EPM2A: variants seen among roughly 807,000 people sequenced by gnomAD.
The protein encoded by EPM2A is EPM2A glucan phosphatase, laforin, also known as laforin.
In EPM2A, 21 loss-of-function variants were observed where a neutral mutation model predicts 26.5. That is an observed-to-expected ratio of 0.79 (90% confidence interval 0.56 to 1.14). The LOEUF (loss-of-function observed/expected upper bound fraction) is 1.14. Ranked by LOEUF, EPM2A falls within the 50% of genes most tolerant of loss-of-function variation. EPM2A has a pLI of 0.00. For synonymous variants in EPM2A, 217 were observed against 177.6 expected (o/e 1.22, Z -1.76); for missense variants, 458 against 440.8 (o/e 1.04, Z -0.35).
chr6:145,522,522 G>C (rs575721837), intron 2 of EPM2A, among the ~76,000 whole-genome samples: 3 of 152,060 alleles, frequency 2.0e-5, no homozygotes, highest in Non-Finnish European at 2.9e-5. Context: ...AGTCTCCATT[G>C]ATTTAATCTC....
chr6:145,537,227 G>A (rs1157586059), intron 2 of EPM2A, among the ~76,000 whole-genome samples: 1 of 152,140 alleles, frequency 6.6e-6, no homozygotes, highest in Non-Finnish European at 1.5e-5. Context: ...ATAAGGAGTT[G>A]GTTTCCTGGA....
intron 4 of EPM2A, among the ~76,000 whole-genome samples, chr6:145,462,714 A>T (rs1238433703): frequency 6.6e-6 from 1 of 152,152 alleles, no homozygotes; most frequent in Non-Finnish European, 1.5e-5. Flanking sequence ...TACTTGCCAC[A>T]AGCATGTACA....
intron 2 of EPM2A, among the ~76,000 whole-genome samples, chr6:145,550,534 TC>T (rs1406326003): frequency 3.9e-5 from 6 of 152,074 alleles, no homozygotes; most frequent in African/African-American, 1.2e-4. Context: ...AAGTCTTTCT[TC>T]CCAAACACTT....
intron 2 of EPM2A, among the ~76,000 whole-genome samples, chr6:145,642,856 A>C (rs968553276): frequency 3.9e-5 from 6 of 152,204 alleles, no homozygotes; most frequent in African/African-American, 1.4e-4. Context: ...TGCCTTATTG[A>C]TATGCTAGGG....
chr6:145,578,990 G>A (rs769299075), intron 2 of EPM2A, among the ~76,000 whole-genome samples: 4 of 151,960 alleles, frequency 2.6e-5, no homozygotes, highest in Non-Finnish European at 5.9e-5. Context: ...ATCACACACC[G>A]GGGCCTGTGG....
At chr6:145,735,172 C>T in intron 1 of EPM2A, 26 bp downstream of exon 1, 3 of 1,467,666 alleles carry the variant, frequency 2.0e-6, no homozygotes, top group Non-Finnish European at 2.7e-6. Flanking sequence ...CGCTCTGCGC[C>T]GGGGGCAGGC....
At chr6:145,675,547 C>T (rs1265191187) in intron 2 of EPM2A, among the ~76,000 whole-genome samples, 7 of 152,030 alleles carry the variant, frequency 4.6e-5, no homozygotes, top group East Asian at 3.9e-4. Context: ...ACCCATCTCA[C>T]GTGCAGAGAT....
intron 2 of EPM2A, among the ~76,000 whole-genome samples, chr6:145,610,912 A>T (rs1775379125): frequency 6.6e-6 from 1 of 152,228 alleles, no homozygotes; most frequent in Non-Finnish European, 1.5e-5. Flanking sequence ...GCAACAGAAA[A>T]TGGCTAGCTC....
chr6:145,671,580 T>C (rs914784311), intron 2 of EPM2A, among the ~76,000 whole-genome samples: 5 of 152,190 alleles, frequency 3.3e-5, no homozygotes, highest in African/African-American at 1.2e-4. Context: ...CTTTGCAAAT[T>C]AGGAAATTAA....
At chr6:145,696,102 C>G (rs1220229472) in intron 1 of EPM2A, among the ~76,000 whole-genome samples, 1 of 151,860 alleles carries the variant, frequency 6.6e-6, no homozygotes, top group Non-Finnish European at 1.5e-5. Flanking sequence ...TGATATGAAA[C>G]TAGAACTCAA....
intron 1 of EPM2A, among the ~76,000 whole-genome samples, chr6:145,732,501 C>G (rs969678933): frequency 6.6e-6 from 1 of 151,710 alleles, no homozygotes; most frequent in Non-Finnish European, 1.5e-5. Context: ...GGAAAAAATT[C>G]TATTTCCAAG....
rs373516950 is a variant in EPM2A, at chr6:145,718,187, T to C, written c.301+17011A>G. On this transcript the variant is annotated intron_variant, in intron 1 of 3. Coordinates refer to ENST00000367519, the MANE Select transcript of EPM2A (RefSeq NM_005670.4). ...TCAATCCTAAGCCAAAAGAACAAAG[T>C]TGGAGGCATCACACTACCTGACTTC... 8.2e-4 allele frequency among the ~76,000 whole-genome samples: 124 copies of C among 151,790 alleles called. 2 individuals are homozygous for C. The East Asian group carries it at 0.021, about 26-fold the overall frequency.
chr6:145,424,013 T>C (rs923570370), intron 4 of EPM2A, among the ~76,000 whole-genome samples: 1 of 152,100 alleles, frequency 6.6e-6, no homozygotes, highest in Non-Finnish European at 1.5e-5. Context: ...CAAGGTGAAA[T>C]AGCTATGTTC....
chr6:145,558,110 A>G (rs2114811200), intron 2 of EPM2A, among the ~76,000 whole-genome samples: 1 of 152,222 alleles, frequency 6.6e-6, no homozygotes, highest in East Asian at 1.9e-4. Context: ...TTCCTTCTTT[A>G]TTAAGGCTGA....
chr6:145,497,796 C>A (rs993658275), downstream of EPM2A, among the ~76,000 whole-genome samples: 4 of 152,348 alleles, frequency 2.6e-5, no homozygotes, highest in African/African-American at 9.6e-5. Flanking sequence ...AGATCAGAGA[C>A]CTGCTTAAGG....
intron 1 of EPM2A, among the ~76,000 whole-genome samples, chr6:145,691,724 G>C (rs1781292184): frequency 6.6e-6 from 1 of 151,806 alleles, no homozygotes; most frequent in Non-Finnish European, 1.5e-5. Context: ...TATGATGTTA[G>C]GTATATAATA....
rs189120280 is a variant in EPM2A at position 145,390,276 on chromosome 6, C to T, written c.556-6179G>A. 1.4e-3 allele frequency among the ~76,000 whole-genome samples: 206 copies of T among 151,836 alleles called. 2 individuals are homozygous for T. Among genetic ancestry groups the T allele is most frequent in the Non-Finnish European group, 1.6e-3 (106 of 67,986 alleles). On this transcript the variant is annotated intron_variant, in intron 4 of 4. Transcript: ENST00000638717. Reference sequence around the variant, plus strand: ...CAGCCACACAATGGAGACTAATCTGCTTTACTCAAAATTCACCAATTTAAA... The same window carrying T: ...CAGCCACACAATGGAGACTAATCTGTTTTACTCAAAATTCACCAATTTAAA...
At chr6:145,598,951 T>C (rs1490635819) in intron 2 of EPM2A, among the ~76,000 whole-genome samples, 2 of 152,194 alleles carry the variant, frequency 1.3e-5, no homozygotes, top group Non-Finnish European at 2.9e-5. Context: ...CTCTATTCTG[T>C]TTCACTGGTC....
chr6:145,543,322 C>T (rs1349651994), intron 2 of EPM2A, among the ~76,000 whole-genome samples: 1 of 151,990 alleles, frequency 6.6e-6, no homozygotes, highest in East Asian at 1.9e-4. Context: ...GGTGTCTACA[C>T]AAGCAAAAAT....
Sources: allele counts gnomAD v4.1 joint callset (sites outside exome capture counted in the v4.1 genomes callset), GRCh38; gene constraint gnomAD v4.1.1; transcripts MANE v1.5; gene names NCBI Gene and HGNC (gene_info 2026-07-23, HGNC 2026-07-21).